The following RXRA variants were observed in gnomAD, a reference collection of about 807,000 sequenced individuals.
RXRA encodes retinoid X receptor alpha, also known as retinoic acid receptor RXR-alpha.
In RXRA, 5 loss-of-function variants were observed where a neutral mutation model predicts 44.5. That is an observed-to-expected ratio of 0.11 (90% confidence interval 0.06 to 0.24). The LOEUF is 0.24. RXRA is among the 10% of genes least tolerant of loss of function. The pLI, the probability that RXRA is intolerant of heterozygous loss-of-function variation, is 1.00. For missense variants in RXRA, 412 were observed against 646.5 expected, an observed-to-expected ratio of 0.64 and a Z score of 3.93; for synonymous variants, 291 against 271.4, an observed-to-expected ratio of 1.07 and a Z score of -0.71.
intron 4 of RXRA, among the ~76,000 whole-genome samples, chr9:134,414,392 C>T (rs1278468139): frequency 6.6e-6 from 1 of 152,238 alleles, no homozygotes; most frequent in African/African-American, 2.4e-5. Flanking sequence ...TGGGAGGCTC[C>T]GGTGACAGCT....
chr9:134,427,335 C>G (rs1396133224), intron 6 of RXRA, among the ~76,000 whole-genome samples: 1 of 152,150 alleles, frequency 6.6e-6, no homozygotes, highest in African/African-American at 2.4e-5. Context: ...TTCTTACTCC[C>G]CATCGCAACG....
At chr9:134,421,224 A>G (rs1479256564) in intron 5 of RXRA, among the ~76,000 whole-genome samples, 1 of 152,228 alleles carries the variant, frequency 6.6e-6, no homozygotes, top group African/African-American at 2.4e-5. Context: ...TGCCGGGCTG[A>G]CATCAAGGTG....
rs761669692 is a variant in RXRA at position 134,434,222 on chromosome 9, G to A, written c.1241+15G>A. 54 of 1,580,202 alleles carry A rather than the reference G, an allele frequency of 3.4e-5. No individual in the cohort carries two copies. The highest frequency in any genetic ancestry group is 1.7e-4 in the Middle Eastern group (1 of 6,008). ...CAGCCGGGAAGGTGGGTCCCGCCCC[G>A]TCCCACACACACCCCAGACCCAGGC... On this transcript the variant is annotated intron_variant, in intron 9 of 9. Transcript: ENST00000481739.
chr9:134,411,833 A>T (rs995743035), intron 4 of RXRA, among the ~76,000 whole-genome samples: 1 of 152,184 alleles, frequency 6.6e-6, no homozygotes, highest in Admixed American at 6.5e-5. Flanking sequence ...CTCCTTGTGC[A>T]CAGGGGGAGT....
chr9:134,379,875 C>A (rs796988946), intron 1 of RXRA: 2 of 985,312 alleles, frequency 2.0e-6, no homozygotes, highest in Non-Finnish European at 2.4e-6. Context: ...CTTGGCGGCT[C>A]CAGCCCCCTC....
At chr9:134,337,032 G>A (rs1442682836) in intron 1 of RXRA, among the ~76,000 whole-genome samples, 2 of 152,174 alleles carry the variant, frequency 1.3e-5, no homozygotes, top group African/African-American at 4.8e-5. Flanking sequence ...GAGGCTTAAG[G>A]CTGGGGGGTG....
chr9:134,379,630 G>A (rs1421914295), intron 1 of RXRA: 3 of 985,246 alleles, frequency 3.0e-6, no homozygotes, highest in Non-Finnish European at 3.6e-6. Context: ...TCACCCTCCT[G>A]CTCCAGCCCC....
intron 6 of RXRA, among the ~76,000 whole-genome samples, chr9:134,427,614 C>T (rs1005996170): frequency 6.6e-6 from 1 of 152,180 alleles, no homozygotes; most frequent in Admixed American, 6.5e-5. Flanking sequence ...CCTCCTGGGG[C>T]CCTGGGATTA....
In RXRA at chr9:134,326,555, G is replaced by T; in HGVS notation, c.-77G>T. 1 of 329,976 alleles carries T rather than the reference G, an allele frequency of 3.0e-6. No homozygotes were observed. Among genetic ancestry groups the T allele is most frequent in the Non-Finnish European group, 4.2e-6 (1 of 236,080 alleles). 20.4% of individuals were successfully genotyped at this position (329,976 alleles called of 1,614,324 possible). A position where few individuals can be genotyped will look rare whatever the true frequency, so the allele number is the denominator to read the frequency against. ...CGCCGGCTCCCCGCCGCCCGGGCCC[G>T]GGCCGGCCGCGCCGGGGGCCGCCGC... is the stretch of plus-strand genomic sequence containing the variant. On this transcript the variant is annotated 5_prime_UTR_variant, in exon 1 of 10. Coordinates refer to ENST00000481739, the MANE Select transcript of RXRA (RefSeq NM_002957.6).
chr9:134,388,427 C>T (rs1830753662), intron 1 of RXRA, among the ~76,000 whole-genome samples: 1 of 152,190 alleles, frequency 6.6e-6, no homozygotes, highest in Non-Finnish European at 1.5e-5. Flanking sequence ...GGATGTTGTT[C>T]TGCTCTCACG....
At position 134,440,534 on chromosome 9, in the gene RXRA, G is replaced by C. The variant is rs137912651; in HGVS notation, c.*3920G>C. 6.6e-6 allele frequency: 1 copy of C among 152,602 alleles called. No individual in the cohort carries two copies. The highest frequency in any genetic ancestry group is 1.9e-4 in the East Asian group (1 of 5,194). 9.5% of individuals were successfully genotyped at this position (152,602 alleles called of 1,614,324 possible). A position where few individuals can be genotyped will look rare whatever the true frequency, so the allele number is the denominator to read the frequency against. On this transcript the variant is annotated 3_prime_UTR_variant, in exon 10 of 10. Transcript: ENST00000481739. ...AAGGAACACGCAAAGGGAGAAGTGT[G>C]AGAGGAGAAACAAAATATGAGCGTT...
intron 1 of RXRA, among the ~76,000 whole-genome samples, chr9:134,374,877 G>A (rs915897656): frequency 6.6e-6 from 1 of 152,208 alleles, no homozygotes; most frequent in African/African-American, 2.4e-5. Flanking sequence ...TGCAGCTGGC[G>A]CCGACCTGGT....
chr9:134,405,158 G>A (rs1474617920), intron 2 of RXRA: 2 of 152,234 alleles, frequency 1.3e-5, no homozygotes, highest in African/African-American at 4.8e-5. Flanking sequence ...TGCTCCGGGG[G>A]CTGTGAGCCA....
chr9:134,400,189 G>A (rs564538841), intron 1 of RXRA, among the ~76,000 whole-genome samples: 4 of 152,312 alleles, frequency 2.6e-5, no homozygotes, highest in South Asian at 2.1e-4. Context: ...ACAGGAGGCA[G>A]ATGCCCATGA....
At chr9:134,328,427 G>C (rs1162249249) in intron 1 of RXRA, among the ~76,000 whole-genome samples, 1 of 151,970 alleles carries the variant, frequency 6.6e-6, no homozygotes, top group East Asian at 2.0e-4. Flanking sequence ...GAGAGGTCGT[G>C]CCTCCGAGCC....
chr9:134,402,060 T>G (rs1830971790), intron 2 of RXRA, 178 bp downstream of exon 2: 1 of 602,230 alleles, frequency 1.7e-6, no homozygotes. Context: ...TGAGCCCAGG[T>G]GGGGCTGACT....
chr9:134,346,450 G>T (rs73663458), intron 1 of RXRA, among the ~76,000 whole-genome samples: 1,977 of 152,258 alleles, frequency 0.013, 40 homozygotes, highest in African/African-American at 0.045. Flanking sequence ...ACCCCCACTG[G>T]TCCTTGCAGC....
chr9:134,401,763 C>A lies in RXRA; in HGVS notation c.160C>A (p.Leu54Met). The change falls in exon 2 of 10, where the codon CTG (leucine) becomes ATG (methionine). Residue 54 changes from leucine (L) to methionine (M), a missense_variant. Around this residue, in one of 4 missense-constraint regions of RXRA, gnomAD observed 156 missense variants for 177.2 expected, o/e 0.88. Transcript: ENST00000481739. ...ACAGCTGCATTCTCCCATCAGCACC[C>A]TGAGCTCCCCCATCAACGGCATGGG... ...PGQLHSPIST[L>M]SSPINGMGPP... 1.9e-6 allele frequency: 3 copies of A among 1,613,278 alleles called. No individual in the cohort carries two copies. The highest frequency in any genetic ancestry group is 2.5e-6 in the Non-Finnish European group (3 of 1,179,976).
rs1830416384 is a variant in RXRA, at chr9:134,366,508, C to A, written c.29-35124C>A. Among the ~76,000 whole-genome samples the A allele has an allele frequency of 6.6e-6, 1 of 152,172 alleles. No homozygotes were observed. Among genetic ancestry groups the A allele is most frequent in the South Asian group, 2.1e-4 (1 of 4,828 alleles). Reference sequence around the variant, plus strand: ...ACGGCGAGCTCCTGGCGGGAGTCCCCCTCCCCAGCAGCCACCCCGTGCCAT... The same window carrying A: ...ACGGCGAGCTCCTGGCGGGAGTCCCACTCCCCAGCAGCCACCCCGTGCCAT... On this transcript the variant is annotated intron_variant, in intron 1 of 9. Transcript: ENST00000481739. The surrounding 1 kb of genome is among the most constrained non-coding windows in gnomAD (Gnocchi z 5.9).
Sources: gnomAD v4.1 joint callset for allele counts (sites outside exome capture counted in the v4.1 genomes callset) on GRCh38, gnomAD v4.1.1 for gene constraint, gnomAD v4.1.1 regional missense constraint, Gnocchi (gnomAD v3.1) non-coding constraint, MANE v1.5 for transcripts, NCBI Gene and HGNC (gene_info 2026-07-23, HGNC 2026-07-21) for gene names.